The following HACD3 variants were observed in gnomAD, a reference collection of about 807,000 sequenced individuals.
The protein encoded by HACD3 is very-long-chain (3R)-3-hydroxyacyl-CoA dehydratase 3.
HACD3 carries 30 observed loss-of-function variants against 55.2 expected under a neutral mutation model. The ratio of observed to expected loss-of-function variants is 0.54; its 90% confidence interval spans 0.41 to 0.74. The LOEUF (loss-of-function observed/expected upper bound fraction) is 0.74, where lower values mean the gene tolerates loss of function less well. Among genes scored for constraint, HACD3 ranks in the 30% least tolerant of loss-of-function variants. The probability of loss-of-function intolerance (pLI) is 0.00; values close to 1 mark genes in which losing one functional copy is unlikely to be tolerated. For synonymous variants in HACD3, 141 were observed against 151.7 expected (o/e 0.93, Z 0.52); for missense variants, 363 against 440.1 (o/e 0.82, Z 1.57).
chr15:65,531,656 C>A (rs2141199436), intron 1 of HACD3, among the ~76,000 whole-genome samples: 1 of 152,214 alleles, frequency 6.6e-6, no homozygotes, highest in Admixed American at 6.5e-5. Flanking sequence ...ACCTCTGCCT[C>A]CCGGGTTCAA....
intron 7 of HACD3, among the ~76,000 whole-genome samples, chr15:65,568,850 C>G (rs2072319385): frequency 6.6e-6 from 1 of 152,158 alleles, no homozygotes; most frequent in African/African-American, 2.4e-5. Context: ...AGAATAAAAC[C>G]CAGAAACAGA....
intron 1 of HACD3, among the ~76,000 whole-genome samples, chr15:65,537,456 G>A (rs1224473696): frequency 6.6e-6 from 1 of 151,912 alleles, no homozygotes; most frequent in Non-Finnish European, 1.5e-5. Context: ...GTTGAAGCCA[G>A]TGCCCCTTTA....
At chr15:65,544,604 A>C (rs1189923120) in intron 1 of HACD3, among the ~76,000 whole-genome samples, 1 of 152,132 alleles carries the variant, frequency 6.6e-6, no homozygotes, top group African/African-American at 2.4e-5. Context: ...TATTTCTTAG[A>C]GCTTCATGTG....
In HACD3 at chr15:65,576,471, G is replaced by A; in HGVS notation, c.*92G>A. The A allele has an allele frequency of 1.5e-6, 2 of 1,319,350 alleles. No individual in the cohort carries two copies. Among genetic ancestry groups the A allele is most frequent in the Non-Finnish European group, 2.1e-6 (2 of 969,534 alleles). 81.7% of individuals were successfully genotyped at this position (1,319,350 alleles called of 1,614,324 possible). A position where few individuals can be genotyped will look rare whatever the true frequency, so the allele number is the denominator to read the frequency against. ...GAACCAATGTAAAAGTTTTTTTAAT[G>A]TTAAATGATTAAATTCTCAGTGAGG... On this transcript the variant is annotated 3_prime_UTR_variant, in exon 11 of 11. Coordinates refer to ENST00000261875, the MANE Select transcript of HACD3 (RefSeq NM_016395.4).
intron 1 of HACD3, among the ~76,000 whole-genome samples, chr15:65,539,142 A>C (rs1007680412): frequency 6.6e-6 from 1 of 150,976 alleles, no homozygotes; most frequent in African/African-American, 2.4e-5. Flanking sequence ...ACTGTTTCTC[A>C]CATTAGAGTA....
In HACD3 at chr15:65,569,220, C is replaced by T. The variant is rs557773944; in HGVS notation, c.661-871C>T. Among the ~76,000 whole-genome samples the T allele has an allele frequency of 6.3e-4, 93 of 146,682 alleles. 1 individual carries two copies. The highest frequency in any genetic ancestry group is 6.5e-4 in the Non-Finnish European group (44 of 67,346). ...CCAAGATCGTGCCACTGCACTCCAG[C>T]CTGGACGACAGAGCGAGACTCTGTC... On this transcript the variant is annotated intron_variant, in intron 7 of 10. Transcript: ENST00000261875.
rs2072425374 is a variant in HACD3 at position 65,577,962 on chromosome 15, A to T, written c.*1583A>T. On this transcript the variant is annotated 3_prime_UTR_variant, in exon 11 of 11. Coordinates refer to ENST00000261875, the MANE Select transcript of HACD3 (RefSeq NM_016395.4). ...GTTGGAGTAACACTTGCATAAAAGA[A>T]TTTAAGGAGTGATAGCTCTTTCTGT... is the stretch of plus-strand genomic sequence containing the variant. The T allele has an allele frequency of 6.6e-6, 1 of 152,632 alleles. No homozygotes were observed. Among genetic ancestry groups the T allele is most frequent in the Non-Finnish European group, 1.5e-5 (1 of 68,046 alleles). 9.5% of individuals were successfully genotyped at this position (152,632 alleles called of 1,614,324 possible). A position where few individuals can be genotyped will look rare whatever the true frequency, so the allele number is the denominator to read the frequency against.
chr15:65,538,763 G>A (rs894722007), intron 1 of HACD3, among the ~76,000 whole-genome samples: 2 of 152,190 alleles, frequency 1.3e-5, no homozygotes, highest in African/African-American at 4.8e-5. Flanking sequence ...AAACTTCATT[G>A]TTGTCCTCCT....
rs570046325 is a variant in HACD3, at chr15:65,564,320, C to T, written c.638C>T (p.Pro213Leu). ...GCAGCAATTGGAGTCACTACGTCAC[C>T]GGTGCTGCCTTCTCTGATCCAGGTA... ...INAAIGVTTS[P>L]VLPSLIQLLG... The change falls in exon 7 of 11, where the codon CCG (proline) becomes CTG (leucine). Residue 213 changes from proline to leucine, a missense_variant. Transcript: ENST00000261875. 6.5e-5 allele frequency: 105 copies of T among 1,613,634 alleles called. No homozygotes were observed. The South Asian group carries it at 7.7e-4, about 12-fold the overall frequency.
intron 2 of HACD3, among the ~76,000 whole-genome samples, 157 bp from the exon 3 acceptor site, chr15:65,554,730 A>C (rs943727099): frequency 6.6e-6 from 1 of 152,082 alleles, no homozygotes; most frequent in Non-Finnish European, 1.5e-5. Flanking sequence ...AGCCGAGATC[A>C]TGCCACTGCA....
chr15:65,564,632 A>G, intron 7 of HACD3: 1 of 280,708 alleles, frequency 3.6e-6, no homozygotes, highest in Admixed American at 5.2e-5. Flanking sequence ...CTTATTCACT[A>G]TCCTGAGAAT....
chr15:65,567,364 A>T (rs544602335), intron 7 of HACD3, among the ~76,000 whole-genome samples: 1 of 152,284 alleles, frequency 6.6e-6, no homozygotes, highest in South Asian at 2.1e-4. Flanking sequence ...TTTGTGTTGT[A>T]GATTAGACAT....
chr15:65,572,927 A>AT (rs1244879999), intron 10 of HACD3, among the ~76,000 whole-genome samples: 8,024 of 138,776 alleles, frequency 0.058, 463 homozygotes, highest in African/African-American at 0.15. Flanking sequence ...AAAAAAAAAA[A>AT]AAATAAATAA....
intron 3 of HACD3, 103 bp from the exon 4 acceptor site, chr15:65,556,636 G>A (rs1487955005): frequency 3.3e-6 from 4 of 1,214,578 alleles, no homozygotes; most frequent in African/African-American, 3.1e-5. Flanking sequence ...AGAGAAAGAA[G>A]GAGAATAAAT....
At chr15:65,552,847 C>T (rs2072148674) in intron 2 of HACD3, among the ~76,000 whole-genome samples, 2 of 151,060 alleles carry the variant, frequency 1.3e-5, no homozygotes, top group African/African-American at 4.9e-5. Flanking sequence ...CCCCACTCCC[C>T]CCACCCCACA....
chr15:65,553,358 C>T (rs1191085352), intron 2 of HACD3, among the ~76,000 whole-genome samples: 2 of 151,946 alleles, frequency 1.3e-5, no homozygotes, highest in African/African-American at 4.8e-5. Context: ...TCAGCTCTGA[C>T]AGTCTCTGAT....
intron 3 of HACD3, 119 bp downstream of exon 3, chr15:65,555,079 A>G: frequency 1.3e-6 from 1 of 799,944 alleles, no homozygotes; most frequent in Non-Finnish European, 2.0e-6. Context: ...GGAATAATAG[A>G]GTTCTTTTAT....
At chr15:65,558,643 A>G (rs746906032) in intron 4 of HACD3, 37 bp from the exon 5 acceptor site, 8 of 1,561,494 alleles carry the variant, frequency 5.1e-6, no homozygotes, top group Non-Finnish European at 7.0e-6. Context: ...TGGGAATTCT[A>G]ACTTGTGTTC....
chr15:65,537,957 AAATATATATATATATATATATATAT>A (rs1350225743), intron 1 of HACD3, among the ~76,000 whole-genome samples: 314 of 2,696 alleles, frequency 0.12, 17 homozygotes, highest in African/African-American at 0.24. Context: ...AAAAAAAAAA[AAATATATATATATATATATATATAT>A]ATATATATAT....
Sources: gnomAD v4.1 joint callset for allele counts (sites outside exome capture counted in the v4.1 genomes callset) on GRCh38, gnomAD v4.1.1 for gene constraint, MANE v1.5 for transcripts, NCBI Gene and HGNC (gene_info 2026-07-23, HGNC 2026-07-21) for gene names.